Variants in TTC33 observed in about 807,000 individuals in gnomAD.
The protein encoded by TTC33 is tetratricopeptide repeat protein 33.
A neutral mutation model predicts 29.4 loss-of-function variants in TTC33; 24 were observed. The ratio of observed to expected loss-of-function variants is 0.82; its 90% CI spans 0.59 to 1.15. The LOEUF (loss-of-function observed/expected upper bound fraction) is 1.15. Ranked by LOEUF, TTC33 falls within the 50% of genes most tolerant of loss-of-function variation. The pLI is 0.00. For missense variants in TTC33, 286 were observed against 310.4 expected (o/e 0.92, Z 0.59); for synonymous variants, 107 against 100.3 (o/e 1.07, Z -0.40).
intron 1 of TTC33, among the ~76,000 whole-genome samples, chr5:40,752,575 A>C (rs913396809): frequency 3.3e-5 from 5 of 152,236 alleles, no homozygotes; most frequent in African/African-American, 9.6e-5. Flanking sequence ...AGAGATGGGA[A>C]TAGCCAGTTG....
At chr5:40,746,753 A>G (rs1485876078) in intron 2 of TTC33, 45 bp downstream of exon 2, 19 of 1,445,724 alleles carry the variant, frequency 1.3e-5, no homozygotes, top group Middle Eastern at 1.9e-4. Context: ...AGTGAGCTAG[A>G]AAATGTAAGC....
chr5:40,725,216 G>A (rs1051001957), intron 4 of TTC33, among the ~76,000 whole-genome samples: 3 of 150,652 alleles, frequency 2.0e-5, no homozygotes, highest in Non-Finnish European at 3.0e-5. Flanking sequence ...CAAACTCCTG[G>A]CCTCAAGCAA....
intron 2 of TTC33, among the ~76,000 whole-genome samples, chr5:40,736,529 C>G (rs1742554479): frequency 6.6e-6 from 1 of 152,094 alleles, no homozygotes; most frequent in Non-Finnish European, 1.5e-5. Context: ...GGGACTAACA[C>G]CGTGACTCTT....
At chr5:40,745,837 C>T (rs1330762843) in intron 2 of TTC33, among the ~76,000 whole-genome samples, 1 of 151,978 alleles carries the variant, frequency 6.6e-6, no homozygotes, top group Admixed American at 6.6e-5. Flanking sequence ...TGGGCTCAAG[C>T]GATCCTCCCA....
At chr5:40,719,178 C>T (rs533527074) in intron 4 of TTC33, among the ~76,000 whole-genome samples, 9 of 152,168 alleles carry the variant, frequency 5.9e-5, no homozygotes, top group Non-Finnish European at 8.8e-5. Context: ...ATTTTTATCA[C>T]CCCCAAAGAA....
rs1280403291 is a variant in TTC33, at chr5:40,751,677, G to A, written c.-2+4147C>T. Reference sequence around the variant, plus strand: ...GTGTCATCCACATTGAAAATCTTATGGCCATGCGCAGTGGCTCACACCTGT... The same window carrying A: ...GTGTCATCCACATTGAAAATCTTATAGCCATGCGCAGTGGCTCACACCTGT... On this transcript the variant is annotated intron_variant, in intron 1 of 4. Coordinates refer to ENST00000337702, the MANE Select transcript of TTC33 (RefSeq NM_012382.3). Among the ~76,000 whole-genome samples, 5 of 152,262 alleles carry A rather than the reference G, an allele frequency of 3.3e-5. No individual in the cohort carries two copies. In the South Asian group the frequency reaches 8.3e-4, roughly 25 times the overall value.
intron 2 of TTC33, among the ~76,000 whole-genome samples, chr5:40,732,922 C>A (rs749395691): frequency 4.6e-5 from 7 of 152,032 alleles, no homozygotes; most frequent in Non-Finnish European, 7.4e-5. Flanking sequence ...ATAACAGATT[C>A]TATCTACCTC....
intron 4 of TTC33, among the ~76,000 whole-genome samples, chr5:40,721,039 G>A (rs1009560574): frequency 6.6e-6 from 1 of 152,150 alleles, no homozygotes; most frequent in African/African-American, 2.4e-5. Flanking sequence ...TGTTCCCCCA[G>A]CTTGGCATAC....
At chr5:40,729,363 C>T (rs902451192) in intron 3 of TTC33, among the ~76,000 whole-genome samples, 1 of 152,128 alleles carries the variant, frequency 6.6e-6, no homozygotes, top group African/African-American at 2.4e-5. Context: ...CAACAATTCC[C>T]TGCCAAAAAT....
intron 2 of TTC33, among the ~76,000 whole-genome samples, chr5:40,736,885 ATACTCACTATACCATCTC>A (rs1742563596): frequency 1.3e-5 from 2 of 152,346 alleles, no homozygotes; most frequent in Admixed American, 1.3e-4. Context: ...CTTAACCACT[ATACTCACTATACCATCTC>A]TATTAAGCAC....
At position 40,746,891 on chromosome 5, in the gene TTC33, G is replaced by A. The variant is rs1742799048; in HGVS notation, c.128C>T (p.Ala43Val). 1 of 1,613,842 alleles carries A rather than the reference G, an allele frequency of 6.2e-7. No homozygotes were observed. Among genetic ancestry groups the A allele is most frequent in the African/African-American group, 1.3e-5 (1 of 74,864 alleles). Residue 43 changes from alanine (A) to valine (V), a missense_variant, in exon 2 of 5, where the codon GCC (alanine) becomes GTC (valine). Ala to Val is a moderately conservative substitution (Grantham distance 64, BLOSUM62 0). Transcript: ENST00000337702. ...VDNDEGNWLH[A>V]IKRRKEILLE... ...AAGAATTTCTTTCCTACGTTTAATG[G>A]CATGAAGCCAGTTCCCTTCATCGTT...
intron 1 of TTC33, among the ~76,000 whole-genome samples, chr5:40,754,457 G>C (rs1742949488): frequency 6.6e-6 from 1 of 152,052 alleles, no homozygotes; most frequent in Non-Finnish European, 1.5e-5. Flanking sequence ...CAAAGTAAAA[G>C]GAAAATAACA....
At chr5:40,736,698 A>G (rs1742559034) in intron 2 of TTC33, among the ~76,000 whole-genome samples, 1 of 152,214 alleles carries the variant, frequency 6.6e-6, no homozygotes, top group Non-Finnish European at 1.5e-5. Flanking sequence ...ATTAGGTGCT[A>G]GGTAGCATGC....
chr5:40,733,136 C>T (rs1245446403), intron 2 of TTC33, among the ~76,000 whole-genome samples: 2 of 151,954 alleles, frequency 1.3e-5, no homozygotes, highest in Admixed American at 6.6e-5. Context: ...TATAAGAAAT[C>T]CCAAGACTAG....
At chr5:40,755,051 AC>A (rs1257713666) in intron 1 of TTC33, among the ~76,000 whole-genome samples, 1 of 152,082 alleles carries the variant, frequency 6.6e-6, no homozygotes, top group Non-Finnish European at 1.5e-5. Context: ...AACTCATGAA[AC>A]CAGACAAATT....
chr5:40,751,301 G>GGAT (rs1465848958), intron 1 of TTC33, among the ~76,000 whole-genome samples: 9 of 152,310 alleles, frequency 5.9e-5, no homozygotes, highest in African/African-American at 1.7e-4. Context: ...CAGAACTCTT[G>GGAT]GATGACAGGG....
At chr5:40,740,358 T>G (rs1742667015) in intron 2 of TTC33, among the ~76,000 whole-genome samples, 1 of 151,912 alleles carries the variant, frequency 6.6e-6, no homozygotes, top group African/African-American at 2.4e-5. Flanking sequence ...TATCTCAGCT[T>G]TTGTTTGTCC....
At position 40,716,141 on chromosome 5, in the gene TTC33, T is replaced by A. The variant is rs1741991182; in HGVS notation, c.*4A>T. The A allele has an allele frequency of 6.3e-7, 1 of 1,589,106 alleles. No homozygotes were observed. ...CAGATTCAAATAATCCTATGCATAC[T>A]GCTTCATCGGGCTTTGATAAAAACA... On this transcript the variant is annotated 3_prime_UTR_variant, in exon 5 of 5. Transcript: ENST00000337702.
chr5:40,717,952 C>T (rs1347746570), intron 4 of TTC33, among the ~76,000 whole-genome samples: 1 of 151,928 alleles, frequency 6.6e-6, no homozygotes, highest in East Asian at 1.9e-4. Context: ...ATCCCAGCTA[C>T]TCGTGAGGCT....
Sources: allele counts gnomAD v4.1 joint callset (sites outside exome capture counted in the v4.1 genomes callset), GRCh38; gene constraint gnomAD v4.1.1; transcripts MANE v1.5; gene names NCBI Gene and HGNC (gene_info 2026-07-23, HGNC 2026-07-21).